ARHGAP10: variants seen among roughly 807,000 people sequenced by gnomAD.
The protein encoded by ARHGAP10 is Rho GTPase activating protein 10.
A neutral mutation model predicts 108.6 loss-of-function variants in ARHGAP10; 87 were observed. That is an observed-to-expected ratio of 0.80 (90% CI 0.67 to 0.96). The LOEUF (loss-of-function observed/expected upper bound fraction) is 0.96. ARHGAP10 is among the 40% of genes least tolerant of loss of function. ARHGAP10 has a pLI of 0.00. For missense variants in ARHGAP10, 939 were observed against 954.5 expected, an observed-to-expected ratio of 0.98 and a Z score of 0.21; for synonymous variants, 347 against 341.1, an observed-to-expected ratio of 1.02 and a Z score of -0.19.
At chr4:147,979,368 G>A (rs1398136230) in intron 18 of ARHGAP10, among the ~76,000 whole-genome samples, 1 of 152,070 alleles carries the variant, frequency 6.6e-6, no homozygotes, top group Non-Finnish European at 1.5e-5. Context: ...GTAGGTGTAC[G>A]GCTTTATTTC....
chr4:147,827,691 G>C (rs980138016), intron 3 of ARHGAP10, among the ~76,000 whole-genome samples: 110 of 152,292 alleles, frequency 7.2e-4, no homozygotes, highest in African/African-American at 2.6e-3. Context: ...AAAAGTTTTA[G>C]AAACCATCAG....
In ARHGAP10 at chr4:147,822,717, T is replaced by C; in HGVS notation, c.155-10T>C. On this transcript the variant is annotated splice_polypyrimidine_tract_variant and intron_variant, in intron 1 of 22. Transcript: ENST00000336498. Reference sequence around the variant, plus strand: ...AAGAACCCAAGTCATCATTATACTTTTCTTTCTAGGTCTGTCAGTGGCCCA... The same window carrying C: ...AAGAACCCAAGTCATCATTATACTTCTCTTTCTAGGTCTGTCAGTGGCCCA... 1 of 1,612,852 alleles carries C rather than the reference T, an allele frequency of 6.2e-7. No individual in the cohort carries two copies. Among genetic ancestry groups the C allele is most frequent in the Non-Finnish European group, 8.5e-7 (1 of 1,178,966 alleles).
intron 19 of ARHGAP10, among the ~76,000 whole-genome samples, chr4:148,033,951 G>A (rs1053271578): frequency 6.6e-6 from 1 of 152,180 alleles, no homozygotes; most frequent in Non-Finnish European, 1.5e-5. Flanking sequence ...GCAGCAAAGA[G>A]TTTTATTGAA....
intron 10 of ARHGAP10, among the ~76,000 whole-genome samples, chr4:147,894,665 A>G (rs1478922110): frequency 6.6e-6 from 1 of 152,188 alleles, no homozygotes; most frequent in Non-Finnish European, 1.5e-5. Context: ...AAGCTTTATA[A>G]TTAGTCCATG....
chr4:148,005,636 C>G (rs1184920145), intron 18 of ARHGAP10, among the ~76,000 whole-genome samples: 1 of 152,120 alleles, frequency 6.6e-6, no homozygotes, highest in African/African-American at 2.4e-5. Flanking sequence ...TTGGGTAAAA[C>G]TAGAAGTTGC....
intron 10 of ARHGAP10, among the ~76,000 whole-genome samples, chr4:147,891,861 G>A (rs1440200365): frequency 6.6e-6 from 1 of 152,078 alleles, no homozygotes; most frequent in Non-Finnish European, 1.5e-5. Flanking sequence ...TTCCCTGAAG[G>A]GTGGAATATC....
intron 13 of ARHGAP10, among the ~76,000 whole-genome samples, chr4:147,922,318 G>T (rs1737269054): frequency 6.6e-6 from 1 of 151,878 alleles, no homozygotes; most frequent in South Asian, 2.1e-4. Context: ...ACCTATCAGG[G>T]TTAAGTTCCA....
chr4:147,983,019 C>G (rs554258384), intron 18 of ARHGAP10, among the ~76,000 whole-genome samples: 60 of 151,492 alleles, frequency 4.0e-4, no homozygotes, highest in African/African-American at 1.4e-3. Context: ...TAGCTGGACT[C>G]CAGGTGTGCA....
At chr4:148,037,219 C>T (rs1728418496) in intron 19 of ARHGAP10, among the ~76,000 whole-genome samples, 1 of 152,196 alleles carries the variant, frequency 6.6e-6, no homozygotes, top group Admixed American at 6.5e-5. Flanking sequence ...TTCTGGAAGT[C>T]ATGCTCCTTT....
At position 147,873,232 on chromosome 4, in the gene ARHGAP10, A is replaced by T. The variant is rs1035423820; in HGVS notation, c.703-1789A>T. 2.6e-5 allele frequency among the ~76,000 whole-genome samples: 4 copies of T among 152,124 alleles called. No homozygotes were observed. In the South Asian group the frequency reaches 6.2e-4, roughly 24 times the overall value. On this transcript the variant is annotated intron_variant, in intron 7 of 22. Transcript: ENST00000336498. ...ACCTTATTGGACCAGAAGGTAAGGAACTGGTTGAAGAATCAAGGGGACCAG... is the reference window on the plus strand; with the variant it reads ...ACCTTATTGGACCAGAAGGTAAGGATCTGGTTGAAGAATCAAGGGGACCAG...
intron 1 of ARHGAP10, among the ~76,000 whole-genome samples, chr4:147,819,675 C>T (rs2126782663): frequency 6.6e-6 from 1 of 152,226 alleles, no homozygotes; most frequent in South Asian, 2.1e-4. Flanking sequence ...TCTCCTGCCT[C>T]AGCCTCCTGA....
chr4:148,008,849 A>C (rs72724400), intron 18 of ARHGAP10, among the ~76,000 whole-genome samples: 1 of 152,032 alleles, frequency 6.6e-6, no homozygotes, highest in African/African-American at 2.4e-5. Flanking sequence ...TAAGACATTG[A>C]ATTAAAACAT....
At chr4:147,886,465 A>G (rs550755369) in intron 10 of ARHGAP10, among the ~76,000 whole-genome samples, 1 of 152,262 alleles carries the variant, frequency 6.6e-6, no homozygotes, top group South Asian at 2.1e-4. Flanking sequence ...TTCTTTCCTA[A>G]TAAGTACCCT....
intron 3 of ARHGAP10, among the ~76,000 whole-genome samples, chr4:147,828,529 A>AAG (rs1245131331): frequency 6.6e-6 from 1 of 152,220 alleles, no homozygotes; most frequent in Non-Finnish European, 1.5e-5. Context: ...AGATGGCTGA[A>AAG]AGAAGGCATG....
chr4:147,933,681 A>G (rs1268339132), intron 13 of ARHGAP10, among the ~76,000 whole-genome samples: 1 of 151,016 alleles, frequency 6.6e-6, no homozygotes, highest in Non-Finnish European at 1.5e-5. Context: ...CTGTGTGGGA[A>G]TACTGGCCAA....
chr4:147,839,099 T>TCTAA (rs1232771331), intron 3 of ARHGAP10, among the ~76,000 whole-genome samples: 3 of 65,800 alleles, frequency 4.6e-5, no homozygotes, highest in Non-Finnish European at 9.9e-5. Context: ...ATCGTATCTA[T>TCTAA]CTATCTATCT....
intron 8 of ARHGAP10, among the ~76,000 whole-genome samples, chr4:147,877,762 T>C (rs1054163389): frequency 6.6e-6 from 1 of 150,482 alleles, no homozygotes; most frequent in Non-Finnish European, 1.5e-5. Flanking sequence ...CAGAGAGTGT[T>C]CTGGGGCATA....
intron 10 of ARHGAP10, among the ~76,000 whole-genome samples, chr4:147,893,355 G>C (rs1735862909): frequency 6.6e-6 from 1 of 151,488 alleles, no homozygotes; most frequent in African/African-American, 2.4e-5. Flanking sequence ...ACTGCTCCCG[G>C]CAGGAAGTAA....
Position 147,897,378 on chromosome 4 carries a change from C to T in ARHGAP10, c.1035-9260C>T, listed in dbSNP as rs931598159. Among the ~76,000 whole-genome samples, 3 of 152,022 alleles carry T rather than the reference C, an allele frequency of 2.0e-5. No homozygotes were observed. The East Asian group carries it at 5.8e-4, about 29-fold the overall frequency. ...TTGGCTTCCTAAAGTGCTGTGATTA[C>T]AGGCATGAGCCACTATGCCCAGCTG... On this transcript the variant is annotated intron_variant, in intron 10 of 22. Transcript: ENST00000336498.
Sources: allele counts gnomAD v4.1 joint callset (sites outside exome capture counted in the v4.1 genomes callset), GRCh38; gene constraint gnomAD v4.1.1; transcripts MANE v1.5; gene names NCBI Gene and HGNC (gene_info 2026-07-23, HGNC 2026-07-21).